The following TOX variants were observed in gnomAD, a reference collection of about 807,000 sequenced individuals.
The protein encoded by TOX is thymocyte selection-associated high mobility group box protein TOX.
A neutral mutation model predicts 53.7 loss-of-function variants in TOX; 11 were observed. The ratio of observed to expected loss-of-function variants is 0.20; its 90% CI spans 0.13 to 0.34. TOX has a LOEUF of 0.34. Ranked by LOEUF, TOX falls within the 10% of genes least tolerant of loss-of-function variation. The pLI, the probability that TOX is intolerant of heterozygous loss-of-function variation, is 1.00. For missense variants in TOX, 570 were observed against 664.6 expected, an observed-to-expected ratio of 0.86 and a Z score of 1.56; for synonymous variants, 225 against 245.3, an observed-to-expected ratio of 0.92 and a Z score of 0.77.
intron 3 of TOX, among the ~76,000 whole-genome samples, chr8:58,857,681 G>A (rs989493627): frequency 2.0e-5 from 3 of 152,118 alleles, no homozygotes; most frequent in South Asian, 2.1e-4. Context: ...AGAGTGCCAC[G>A]TTGAGGACAG....
At chr8:58,871,951 T>C (rs1201322150) in intron 3 of TOX, among the ~76,000 whole-genome samples, 1 of 152,160 alleles carries the variant, frequency 6.6e-6, no homozygotes, top group Non-Finnish European at 1.5e-5. Context: ...GCAATGAGCA[T>C]ACCTAGCCAT....
chr8:58,981,335 T>C (rs1490843515), intron 1 of TOX, among the ~76,000 whole-genome samples: 6 of 152,192 alleles, frequency 3.9e-5, no homozygotes, highest in African/African-American at 1.2e-4. Flanking sequence ...TAGACTAGAT[T>C]TCAGAATTCA....
rs140211314 is a variant in TOX, at chr8:58,889,093, G to A, written c.412-37288C>T. On this transcript the variant is annotated intron_variant, in intron 3 of 8. Coordinates refer to ENST00000361421, the MANE Select transcript of TOX (RefSeq NM_014729.3). ...GTATAACACATGCAGAGTACAATTT[G>A]GCATATCTATTAAAATTACAAATGC... Among the ~76,000 whole-genome samples the A allele has an allele frequency of 5.0e-3, 756 of 151,506 alleles. 27 individuals are homozygous for A. The highest frequency in any genetic ancestry group is 0.046 in the Admixed American group (698 of 15,172).
intron 3 of TOX, among the ~76,000 whole-genome samples, chr8:58,866,470 G>T (rs1811103731): frequency 6.6e-6 from 1 of 152,178 alleles, no homozygotes; most frequent in African/African-American, 2.4e-5. Flanking sequence ...CAAAGTAACT[G>T]ATAGAAACAG....
chr8:58,896,749 C>A (rs1320237309), intron 3 of TOX, among the ~76,000 whole-genome samples: 1 of 152,108 alleles, frequency 6.6e-6, no homozygotes, highest in Admixed American at 6.6e-5. Flanking sequence ...GAGGAAATGC[C>A]ATTTCAGTAC....
intron 3 of TOX, among the ~76,000 whole-genome samples, chr8:58,894,714 T>C (rs1811611237): frequency 6.6e-6 from 1 of 150,710 alleles, no homozygotes; most frequent in African/African-American, 2.5e-5. Flanking sequence ...GCCAATATGG[T>C]AAAACCCCAT....
intron 4 of TOX, among the ~76,000 whole-genome samples, chr8:58,843,574 T>C (rs1301378352): frequency 5.3e-5 from 8 of 152,226 alleles, no homozygotes; most frequent in Non-Finnish European, 1.5e-5. Context: ...ATATCTTTGC[T>C]CTTTATAAAT....
intron 3 of TOX, among the ~76,000 whole-genome samples, chr8:58,855,487 A>G (rs1371237950): frequency 6.6e-6 from 1 of 151,780 alleles, no homozygotes; most frequent in Admixed American, 6.6e-5. Context: ...TTTCTACCAA[A>G]CTCTTGTGAG....
At chr8:58,845,920 G>C (rs1810712477) in intron 4 of TOX, among the ~76,000 whole-genome samples, 1 of 152,036 alleles carries the variant, frequency 6.6e-6, no homozygotes, top group Non-Finnish European at 1.5e-5. Context: ...CTGATGTAGG[G>C]AAATATGTTT....
rs763923252 is a variant in TOX, at chr8:58,881,639, G to A, written c.412-29834C>T. 2.7e-5 allele frequency among the ~76,000 whole-genome samples: 4 copies of A among 149,800 alleles called. No homozygotes were observed. The Admixed American group carries it at 2.7e-4, about 10-fold the overall frequency. On this transcript the variant is annotated intron_variant, in intron 3 of 8. Transcript: ENST00000361421. Reference sequence around the variant, plus strand: ...CTCAGGAGGCTGAGGCACGAGAATCGCTGGAACTTGGGAGGCGGAGGTTGC... The same window carrying A: ...CTCAGGAGGCTGAGGCACGAGAATCACTGGAACTTGGGAGGCGGAGGTTGC...
At chr8:59,019,031 T>C (rs1814070368) in intron 1 of TOX, among the ~76,000 whole-genome samples, 1 of 152,168 alleles carries the variant, frequency 6.6e-6, no homozygotes, top group South Asian at 2.1e-4. Flanking sequence ...CCATTTTAGT[T>C]TCTGAGTATA....
At chr8:58,815,782 G>A in intron 6 of TOX, 58 bp from the exon 7 acceptor site, 1 of 1,526,398 alleles carries the variant, frequency 6.6e-7, no homozygotes, top group Non-Finnish European at 8.8e-7. Context: ...TTGATTCAAG[G>A]TATGACGCTT....
chr8:58,858,915 TG>T lies in TOX; in HGVS notation c.412-7111del. ...GCACTCTAAGAGTCTATGAGAAGAA[TG>T]TAAATGTTGATATTATTTAAGTCCC... On this transcript the variant is annotated intron_variant, in intron 3 of 8. Transcript: ENST00000361421. 1.3e-5 allele frequency among the ~76,000 whole-genome samples: 2 copies of T among 152,348 alleles called. 1 individual carries two copies.
At chr8:58,853,710 A>G (rs970862530) in intron 3 of TOX, among the ~76,000 whole-genome samples, 1 of 152,226 alleles carries the variant, frequency 6.6e-6, no homozygotes, top group African/African-American at 2.4e-5. Flanking sequence ...CCAAATCAAC[A>G]ATGGTTTTAT....
In TOX at chr8:58,851,756, T is replaced by C; in HGVS notation, c.461A>G (p.Gln154Arg). 1 of 1,612,600 alleles carries C rather than the reference T, an allele frequency of 6.2e-7. No individual in the cohort carries two copies. The highest frequency in any genetic ancestry group is 8.5e-7 in the Non-Finnish European group (1 of 1,179,696). ...PEGTQYSSHP[Q>R]MAAMRPRGQP... ...GCCCCTTGGTCTCATGGCTGCCATC[T>C]GAGGATGGGAACTGTACTGAGTTCC... Residue 154 changes from glutamine to arginine, a missense_variant, in exon 4 of 9, where the codon CAG becomes CGG. Physicochemically the swap from Gln to Arg is conservative, Grantham distance 43. Around this residue, in one of 3 missense-constraint regions of TOX, gnomAD observed 282 missense variants for 315.0 expected, o/e 0.90. Coordinates refer to ENST00000361421, the MANE Select transcript of TOX (RefSeq NM_014729.3). This position sits in a 1 kb window ranked among gnomAD's most constrained non-coding sequence, Gnocchi z 4.4.
intron 3 of TOX, among the ~76,000 whole-genome samples, chr8:58,891,850 C>CAG (rs1481424893): frequency 6.6e-6 from 1 of 152,144 alleles, no homozygotes; most frequent in East Asian, 1.9e-4. Flanking sequence ...TTTGCCGTGG[C>CAG]AGAGCCTGGG....
At position 59,076,116 on chromosome 8, in the gene TOX, G is replaced by A. The variant is rs535328694; in HGVS notation, c.102+42770C>T. On this transcript the variant is annotated intron_variant, in intron 1 of 8. Coordinates refer to ENST00000361421, the MANE Select transcript of TOX (RefSeq NM_014729.3). ...AACCAGGTTAGAAGAATCTTTCAAG[G>A]GGAGGGACCTCCACTGCGCAGTACA... Among the ~76,000 whole-genome samples, 13 of 152,212 alleles carry A rather than the reference G, an allele frequency of 8.5e-5. No individual in the cohort carries two copies. The South Asian group carries it at 2.7e-3, about 32-fold the overall frequency.
intron 1 of TOX, among the ~76,000 whole-genome samples, chr8:59,069,372 C>A (rs540406163): frequency 2.0e-5 from 3 of 152,086 alleles, no homozygotes; most frequent in Admixed American, 1.3e-4. Flanking sequence ...AACAAACAGG[C>A]TTGGGAGGAG....
intron 1 of TOX, among the ~76,000 whole-genome samples, chr8:59,104,674 C>T (rs547271793): frequency 2.0e-4 from 30 of 152,212 alleles, no homozygotes; most frequent in Non-Finnish European, 4.0e-4. Flanking sequence ...TCAAATAGCC[C>T]TATTGTATGT....
Sources: allele counts gnomAD v4.1 joint callset (sites outside exome capture counted in the v4.1 genomes callset), GRCh38; gene constraint gnomAD v4.1.1; regional missense constraint gnomAD v4.1.1; non-coding constraint Gnocchi (gnomAD v3.1); transcripts MANE v1.5; gene names NCBI Gene and HGNC (gene_info 2026-07-23, HGNC 2026-07-21).